The following C4BPB variants were observed in gnomAD, a reference collection of about 807,000 sequenced individuals.
C4BPB encodes the protein C4b-binding protein beta chain.
C4BPB carries 19 observed loss-of-function variants against 26.6 expected under a neutral mutation model. That is an observed-to-expected ratio of 0.71 (90% CI 0.50 to 1.05). The LOEUF is 1.05. Ranked by LOEUF, C4BPB falls within the 50% of genes least tolerant of loss-of-function variation. The pLI is 0.00. For synonymous variants in C4BPB, 118 were observed against 103.5 expected, an observed-to-expected ratio of 1.14 and a Z score of -0.85; for missense variants, 282 against 302.9, an observed-to-expected ratio of 0.93 and a Z score of 0.51.
intron 4 of C4BPB, among the ~76,000 whole-genome samples, chr1:207,092,528 G>A (rs1180277007): frequency 1.3e-5 from 2 of 151,536 alleles, no homozygotes; most frequent in East Asian, 1.9e-4. Flanking sequence ...TTATTATATG[G>A]CTCCCATATT....
rs1236630647 is a variant in C4BPB at position 207,096,623 on chromosome 1, A to G, written c.503+8A>G. The G allele has an allele frequency of 1.7e-5, 26 of 1,490,060 alleles. 1 individual carries two copies. The East Asian group carries it at 5.9e-4, about 34-fold the overall frequency. 92.3% of individuals were successfully genotyped at this position (1,490,060 alleles called of 1,614,324 possible). ...TTATTACTGTGAAGACAGGTAAGTG[A>G]ACACAGCCTGTCAAATGCCAGATCT... On this transcript the variant is annotated splice_region_variant and intron_variant, in intron 5 of 6. Transcript: ENST00000367078.
intron 3 of C4BPB, 24 bp from the exon 4 acceptor site, chr1:207,091,620 C>T (rs1482116228): frequency 6.2e-6 from 10 of 1,602,994 alleles, no homozygotes; most frequent in Non-Finnish European, 8.5e-6. Context: ...GCCCTTTCAG[C>T]TTATTGCTTA....
Position 207,089,528 on chromosome 1 carries a change from C to A in C4BPB, c.-4C>A. On this transcript the variant is annotated 5_prime_UTR_variant, in exon 2 of 7. Coordinates refer to ENST00000367078, the MANE Select transcript of C4BPB (RefSeq NM_001017365.3). ...CAGCCTGGGGAGAGGACTTTGATCA[C>A]CAGATGTTTTTTTGGTGTGCGTGCT... 2.5e-6 allele frequency: 4 copies of A among 1,613,896 alleles called. No individual in the cohort carries two copies. Among genetic ancestry groups the A allele is most frequent in the Non-Finnish European group, 3.4e-6 (4 of 1,179,856 alleles).
chr1:207,092,767 C>G (rs1215473093), intron 4 of C4BPB, among the ~76,000 whole-genome samples: 1 of 151,716 alleles, frequency 6.6e-6, no homozygotes, highest in Non-Finnish European at 1.5e-5. Flanking sequence ...AGCTGGGTTA[C>G]AGGTGCCTGC....
intron 5 of C4BPB, among the ~76,000 whole-genome samples, chr1:207,097,201 G>T (rs1164736600): frequency 6.6e-6 from 1 of 151,810 alleles, no homozygotes; most frequent in Admixed American, 6.6e-5. Context: ...AAATGTATGG[G>T]TTTTTTGTTT....
At chr1:207,099,497 G>C (rs2102318627) in intron 6 of C4BPB, among the ~76,000 whole-genome samples, 1 of 152,242 alleles carries the variant, frequency 6.6e-6, no homozygotes, top group Admixed American at 6.5e-5. Flanking sequence ...CGTGAGAATT[G>C]GAAAAGTCTC....
At chr1:207,089,183 T>G in intron 1 of C4BPB, 16 of 248,902 alleles carry the variant, frequency 6.4e-5, no homozygotes, top group East Asian at 1.9e-4. Flanking sequence ...ATTTGGCCCA[T>G]GTTTGTTGGG....
intron 6 of C4BPB, among the ~76,000 whole-genome samples, chr1:207,098,927 T>TGA (rs1250747136): frequency 1.3e-5 from 2 of 151,118 alleles, no homozygotes; most frequent in Non-Finnish European, 3.0e-5. Flanking sequence ...CTGGGAATGA[T>TGA]GAGAGACAGT....
intron 4 of C4BPB, among the ~76,000 whole-genome samples, chr1:207,093,965 CA>C (rs1684143759): frequency 6.6e-6 from 1 of 152,108 alleles, no homozygotes; most frequent in Non-Finnish European, 1.5e-5. Context: ...CCCTAAACAG[CA>C]CTTCTATCTC....
intron 5 of C4BPB, 130 bp from the exon 6 acceptor site, chr1:207,098,020 A>G (rs1303457793): frequency 1.4e-6 from 1 of 716,246 alleles, no homozygotes; most frequent in East Asian, 2.5e-5. Context: ...TTAAGCATGC[A>G]TTGAGGCTCA....
At position 207,098,223 on chromosome 1, in the gene C4BPB, T is replaced by G. The variant is rs1684336909; in HGVS notation, c.577T>G (p.Leu193Val). Residue 193 changes from leucine to valine, a missense_variant, in exon 6 of 7, where the codon TTG (leucine) becomes GTG (valine). Transcript: ENST00000367078. ...GAGCAGTGCACTTCCAGTCTGCAAG[T>G]TGATCCAGGAAGCTCCCAAACCAGA... The part of the protein sequence containing the change: ...EWSSALPVCK[L>V]IQEAPKPECE... 1 of 1,614,080 alleles carries G rather than the reference T, an allele frequency of 6.2e-7. No individual in the cohort carries two copies. Among genetic ancestry groups the G allele is most frequent in the East Asian group, 2.2e-5 (1 of 44,884 alleles).
intron 4 of C4BPB, chr1:207,095,930 T>C (rs2102312404): frequency 5.8e-6 from 1 of 172,438 alleles, no homozygotes; most frequent in South Asian, 1.3e-4. Context: ...GATTGTAAGT[T>C]TTCCGAGGCC....
intron 4 of C4BPB, chr1:207,094,941 C>CT: frequency 5.3e-6 from 1 of 188,930 alleles, no homozygotes; most frequent in African/African-American, 2.4e-5. Context: ...ACTTTCCATA[C>CT]TTTTTTCCTG....
chr1:207,095,515 G>C (rs7529011), intron 4 of C4BPB: 4 of 422,074 alleles, frequency 9.5e-6, no homozygotes, highest in Non-Finnish European at 1.9e-5. Context: ...TTTTAGTAGA[G>C]ACTGGGTTTC....
At chr1:207,092,825 CCA>C (rs1684089115) in intron 4 of C4BPB, among the ~76,000 whole-genome samples, 4 of 151,970 alleles carry the variant, frequency 2.6e-5, no homozygotes, top group South Asian at 4.2e-4. Flanking sequence ...CGGGGTTTCA[CCA>C]TCTTGGCCAG....
intron 4 of C4BPB, 47 bp downstream of exon 4, chr1:207,091,867 A>T (rs990130773): frequency 6.7e-7 from 1 of 1,486,112 alleles, no homozygotes; most frequent in African/African-American, 1.4e-5. Context: ...ACTGATTAGT[A>T]GTCTAAACTT....
intron 1 of C4BPB, chr1:207,089,281 T>C (rs1157419223): frequency 2.3e-6 from 1 of 440,398 alleles, no homozygotes; most frequent in African/African-American, 2.0e-5. Flanking sequence ...GTTTTAAACC[T>C]GGCAACTCTT....
chr1:207,091,319 CAT>C (rs1004515906), intron 3 of C4BPB, among the ~76,000 whole-genome samples: 4 of 152,290 alleles, frequency 2.6e-5, no homozygotes, highest in African/African-American at 9.6e-5. Flanking sequence ...TTGCTTCAAA[CAT>C]AGTCTCACTA....
chr1:207,091,988 C>T, intron 4 of C4BPB, 168 bp downstream of exon 4: 1 of 588,636 alleles, frequency 1.7e-6, no homozygotes, highest in Non-Finnish European at 2.9e-6. Flanking sequence ...CAAATCTCAC[C>T]TCAAGAGAAT....
Sources: allele counts gnomAD v4.1 joint callset (sites outside exome capture counted in the v4.1 genomes callset), GRCh38; gene constraint gnomAD v4.1.1; transcripts MANE v1.5; gene names NCBI Gene and HGNC (gene_info 2026-07-23, HGNC 2026-07-21).